PAPSS1: variants seen among roughly 807,000 people sequenced by gnomAD.
PAPSS1 encodes 3'-phosphoadenosine 5'-phosphosulfate synthase 1.
In PAPSS1, 50 loss-of-function variants were observed where a neutral mutation model predicts 72.0. That is an observed-to-expected ratio of 0.69 (90% CI 0.55 to 0.88). The LOEUF (loss-of-function observed/expected upper bound fraction) is 0.88, where lower values mean the gene tolerates loss of function less well. Among genes scored for constraint, PAPSS1 ranks in the 40% least tolerant of loss-of-function variants. PAPSS1 has a pLI of 0.00. For missense variants in PAPSS1, 657 were observed against 782.2 expected (o/e 0.84, Z 1.91); for synonymous variants, 261 against 263.6 (o/e 0.99, Z 0.09).
At chr4:107,635,899 T>A (rs954654486) in intron 10 of PAPSS1, among the ~76,000 whole-genome samples, 1 of 152,184 alleles carries the variant, frequency 6.6e-6, no homozygotes, top group Non-Finnish European at 1.5e-5. Flanking sequence ...CTTGGTGACA[T>A]AGGTACACAG....
Position 107,632,208 on chromosome 4 carries a change from A to G in PAPSS1, c.1507-348T>C, listed in dbSNP as rs562933525. On this transcript the variant is annotated intron_variant, in intron 10 of 11. Transcript: ENST00000265174. ...AGCTCAAAATCTAATATATGAGGTT[A>G]GAAGTCAGGATAATGGCTGATCCCT... Among the ~76,000 whole-genome samples, 33 of 152,294 alleles carry G rather than the reference A, an allele frequency of 2.2e-4. 1 individual carries two copies. Among genetic ancestry groups the G allele is most frequent in the Non-Finnish European group, 3.1e-4 (21 of 68,034 alleles).
At chr4:107,678,416 C>G (rs1484949788) in intron 5 of PAPSS1, among the ~76,000 whole-genome samples, 1 of 151,784 alleles carries the variant, frequency 6.6e-6, no homozygotes, top group Non-Finnish European at 1.5e-5. Flanking sequence ...AAAAGGCCAG[C>G]CAATCTACAA....
rs757164306 is a variant in PAPSS1 at position 107,644,807 on chromosome 4, T to C, written c.1501A>G (p.Thr501Ala). Reference sequence around the variant, plus strand: ...AAATCTTACAAGCAGTCTACCTCAGTTGGTCCAGCATACATCATGGGAGAT... The same window carrying C: ...AAATCTTACAAGCAGTCTACCTCAGCTGGTCCAGCATACATCATGGGAGAT... ...FPSPMMYAGP[T>A]EVQWHCRARM... The change falls in exon 10 of 12, where the codon ACT becomes GCT. Residue 501 changes from threonine to alanine, a missense_variant. Thr to Ala is a moderately conservative substitution (Grantham distance 58). This residue lies in a region of PAPSS1 where 166 missense variants were observed against 228.3 expected (regional missense o/e 0.73). Transcript: ENST00000265174. The C allele has an allele frequency of 3.7e-6, 6 of 1,608,962 alleles. No homozygotes were observed. The highest frequency in any genetic ancestry group is 1.3e-5 in the African/African-American group (1 of 74,942).
chr4:107,668,473 G>A (rs1727378386), intron 5 of PAPSS1, among the ~76,000 whole-genome samples: 2 of 152,126 alleles, frequency 1.3e-5, no homozygotes, highest in South Asian at 2.1e-4. Flanking sequence ...TGAGGGCGTT[G>A]CCAAAGGAGA....
rs111248344 is a variant in PAPSS1 at position 107,617,207 on chromosome 4, CTT to C, written c.1737-2822_1737-2821del. Among the ~76,000 whole-genome samples, 753 of 132,688 alleles carry C rather than the reference CTT, an allele frequency of 5.7e-3. 5 individuals are homozygous for C. The highest frequency in any genetic ancestry group is 0.019 in the African/African-American group (672 of 36,242). 87.0% of individuals were successfully genotyped at this position (132,688 alleles called of 152,430 possible). A position where few individuals can be genotyped will look rare whatever the true frequency, so the allele number is the denominator to read the frequency against. On this transcript the variant is annotated intron_variant, in intron 11 of 11. Coordinates refer to ENST00000265174, the MANE Select transcript of PAPSS1 (RefSeq NM_005443.5). ...TCACAGGGTTTATATGAGTCTTCGG[CTT>C]TTTTTTTTTTTTTTTCACCACCGGC...
At chr4:107,629,248 C>T (rs971716481) in intron 11 of PAPSS1, among the ~76,000 whole-genome samples, 1 of 152,186 alleles carries the variant, frequency 6.6e-6, no homozygotes, top group African/African-American at 2.4e-5. Flanking sequence ...GGTGAAATCA[C>T]TGATGCTTCA....
chr4:107,615,685 T>A (rs186097822), intron 11 of PAPSS1, among the ~76,000 whole-genome samples: 1 of 152,272 alleles, frequency 6.6e-6, no homozygotes, highest in African/African-American at 2.4e-5. Context: ...TGGGATAAGA[T>A]GCTCATGATG....
In PAPSS1 at chr4:107,668,382, A is replaced by T. The variant is rs912194945; in HGVS notation, c.670-8310T>A. Among the ~76,000 whole-genome samples the T allele has an allele frequency of 2.0e-5, 3 of 152,212 alleles. No homozygotes were observed. The East Asian group carries it at 5.8e-4, about 29-fold the overall frequency. On this transcript the variant is annotated intron_variant, in intron 5 of 11. Transcript: ENST00000265174. ...TGGTAAGTTACTGTTGATGGTCTCC[A>T]TCTCTGCCTGTGATGGTTAATACTG...
chr4:107,694,494 G>C (rs1024783118), intron 2 of PAPSS1, among the ~76,000 whole-genome samples: 1 of 151,154 alleles, frequency 6.6e-6, no homozygotes, highest in East Asian at 2.0e-4. Context: ...CTTCAGAAAG[G>C]CTTAACTAAT....
intron 1 of PAPSS1, among the ~76,000 whole-genome samples, chr4:107,702,407 T>C (rs1176928768): frequency 6.6e-6 from 1 of 152,200 alleles, no homozygotes; most frequent in African/African-American, 2.4e-5. Flanking sequence ...TACATTGTTA[T>C]TATCATCACC....
At chr4:107,676,938 G>A (rs1189299977) in intron 5 of PAPSS1, among the ~76,000 whole-genome samples, 3 of 152,280 alleles carry the variant, frequency 2.0e-5, no homozygotes, top group East Asian at 1.9e-4. Flanking sequence ...ATGGGGAAAC[G>A]ATTCCCTATT....
chr4:107,637,906 C>T (rs1239371509), intron 10 of PAPSS1, among the ~76,000 whole-genome samples: 5 of 151,994 alleles, frequency 3.3e-5, no homozygotes, highest in African/African-American at 1.2e-4. Context: ...TTAAAATATC[C>T]CTAATCTTAG....
chr4:107,701,674 G>C (rs1195207426), intron 1 of PAPSS1, among the ~76,000 whole-genome samples: 1 of 152,160 alleles, frequency 6.6e-6, no homozygotes, highest in Non-Finnish European at 1.5e-5. Flanking sequence ...TATGCCATGT[G>C]AGCAAAACAA....
intron 10 of PAPSS1, among the ~76,000 whole-genome samples, chr4:107,635,028 G>A (rs942793140): frequency 2.0e-5 from 3 of 152,036 alleles, no homozygotes; most frequent in East Asian, 1.9e-4. Flanking sequence ...TCGATCTCCT[G>A]ACCTTGTGAT....
At chr4:107,712,412 G>T (rs1303701017) in intron 1 of PAPSS1, among the ~76,000 whole-genome samples, 1 of 152,200 alleles carries the variant, frequency 6.6e-6, no homozygotes, top group Non-Finnish European at 1.5e-5. Context: ...ACATACAAGG[G>T]AGGTTCAGAG....
intron 4 of PAPSS1, among the ~76,000 whole-genome samples, chr4:107,686,827 C>A (rs1722799286): frequency 6.6e-6 from 1 of 152,186 alleles, no homozygotes; most frequent in Admixed American, 6.5e-5. Flanking sequence ...GGCTAGTGAA[C>A]AGGATTCCAA....
chr4:107,641,079 T>C (rs986920834), intron 10 of PAPSS1, among the ~76,000 whole-genome samples: 1 of 152,220 alleles, frequency 6.6e-6, no homozygotes, highest in Non-Finnish European at 1.5e-5. Flanking sequence ...GACAGAACAC[T>C]AACTAGTCAG....
At chr4:107,693,216 C>A (rs777441638) in intron 3 of PAPSS1, among the ~76,000 whole-genome samples, 34 of 152,218 alleles carry the variant, frequency 2.2e-4, no homozygotes, top group Admixed American at 5.2e-4. Flanking sequence ...TCAGCTGACA[C>A]TGTGAAAACA....
chr4:107,629,556 C>G (rs542393649), intron 11 of PAPSS1, among the ~76,000 whole-genome samples: 1 of 151,778 alleles, frequency 6.6e-6, no homozygotes, highest in Non-Finnish European at 1.5e-5. Context: ...AAGAGCAAAG[C>G]TTTCAATGGA....
Sources: gnomAD v4.1 joint callset for allele counts (sites outside exome capture counted in the v4.1 genomes callset) on GRCh38, gnomAD v4.1.1 for gene constraint, gnomAD v4.1.1 regional missense constraint, MANE v1.5 for transcripts, NCBI Gene and HGNC (gene_info 2026-07-23, HGNC 2026-07-21) for gene names.